The following ELMO2 variants were observed in gnomAD, a reference collection of about 807,000 sequenced individuals.
The protein encoded by ELMO2 is engulfment and cell motility 2.
ELMO2 carries 37 observed loss-of-function variants against 96.2 expected under a neutral mutation model. That is an observed-to-expected ratio of 0.38 (90% CI 0.30 to 0.51). The LOEUF (loss-of-function observed/expected upper bound fraction) is 0.51, where lower values mean the gene tolerates loss of function less well. ELMO2 is among the 20% of genes least tolerant of loss of function. The pLI is 0.88. For missense variants in ELMO2, 561 were observed against 912.6 expected (o/e 0.61, Z 4.96); for synonymous variants, 315 against 329.4 (o/e 0.96, Z 0.47).
intron 1 of ELMO2, among the ~76,000 whole-genome samples, chr20:46,402,455 C>T (rs1355565408): frequency 6.6e-6 from 1 of 152,206 alleles, no homozygotes; most frequent in Non-Finnish European, 1.5e-5. Flanking sequence ...TCAGTGTTTA[C>T]AAACCACTTA....
At chr20:46,382,546 A>C (rs2059975041) in intron 10 of ELMO2, among the ~76,000 whole-genome samples, 1 of 152,236 alleles carries the variant, frequency 6.6e-6, no homozygotes, top group Non-Finnish European at 1.5e-5. Context: ...AAGGGCTGTC[A>C]GAGATCATTT....
chr20:46,405,082 T>A (rs1173045067), intron 1 of ELMO2, among the ~76,000 whole-genome samples: 1 of 152,186 alleles, frequency 6.6e-6, no homozygotes, highest in Non-Finnish European at 1.5e-5. Context: ...TGGCCCTGTG[T>A]GAGATGCTAG....
chr20:46,394,562 A>C, intron 2 of ELMO2, 30 bp from the exon 3 acceptor site: 1 of 1,496,264 alleles, frequency 6.7e-7, no homozygotes, highest in Non-Finnish European at 9.3e-7. Context: ...AAGGTGGAAA[A>C]AGAGTATTTC....
At chr20:46,380,088 G>C (rs2059928662) in intron 11 of ELMO2, 165 bp downstream of exon 11, 2 of 596,444 alleles carry the variant, frequency 3.4e-6, no homozygotes, top group Non-Finnish European at 5.8e-6. Context: ...TCTGCTCACA[G>C]AGGATCGCGG....
At chr20:46,404,209 G>A (rs146263126) in intron 1 of ELMO2, among the ~76,000 whole-genome samples, 288 of 152,346 alleles carry the variant, frequency 1.9e-3, no homozygotes, top group African/African-American at 6.7e-3. Flanking sequence ...AGGCTGGGCC[G>A]AGGTATGGTG....
Position 46,394,498 on chromosome 20 carries a change from C to T in ELMO2, c.-16G>A. The T allele has an allele frequency of 1.2e-6, 2 of 1,614,142 alleles. No homozygotes were observed. Among genetic ancestry groups the T allele is most frequent in the Non-Finnish European group, 1.7e-6 (2 of 1,179,978 alleles). ...GTGGTGGCATCGTTCCCAATGGGCT[C>T]TAATTCTGCGAGACAAAAACACAGA... On this transcript the variant is annotated 5_prime_UTR_variant, in exon 3 of 22. Coordinates refer to ENST00000290246, the MANE Select transcript of ELMO2 (RefSeq NM_133171.5).
intron 1 of ELMO2, among the ~76,000 whole-genome samples, chr20:46,404,755 T>C (rs1280051907): frequency 6.6e-6 from 1 of 152,162 alleles, no homozygotes; most frequent in African/African-American, 2.4e-5. Context: ...AAATATCCCA[T>C]TAATAATGTT....
At chr20:46,376,334 T>A (rs2059859180) in intron 11 of ELMO2, among the ~76,000 whole-genome samples, 1 of 151,646 alleles carries the variant, frequency 6.6e-6, no homozygotes, top group Non-Finnish European at 1.5e-5. Flanking sequence ...CCCACGGCCC[T>A]CTCCTTCCTT....
intron 5 of ELMO2, 139 bp from the exon 6 acceptor site, chr20:46,393,282 C>T: frequency 1.0e-6 from 1 of 965,758 alleles, no homozygotes. Context: ...TCTTCTCCTG[C>T]TTATTCCTTG....
chr20:46,389,232 G>A lies in ELMO2; in HGVS notation c.244-12C>T. On this transcript the variant is annotated splice_polypyrimidine_tract_variant and intron_variant, in intron 6 of 21. Coordinates refer to ENST00000290246, the MANE Select transcript of ELMO2 (RefSeq NM_133171.5). ...CGTGCAGCCCGGGACTAGGAGGCCA[G>A]GGACAAGATATGTGCCATCTGCTCC... The A allele has an allele frequency of 6.2e-7, 1 of 1,612,142 alleles. No homozygotes were observed. The highest frequency in any genetic ancestry group is 8.5e-7 in the Non-Finnish European group (1 of 1,178,934).
intron 11 of ELMO2, among the ~76,000 whole-genome samples, chr20:46,377,744 A>C (rs1462316444): frequency 6.6e-6 from 1 of 152,134 alleles, no homozygotes; most frequent in African/African-American, 2.4e-5. Flanking sequence ...TGTCACAGGC[A>C]CGCCCTCTGT....
intron 9 of ELMO2, among the ~76,000 whole-genome samples, chr20:46,384,300 G>T (rs895567417): frequency 6.6e-6 from 1 of 152,048 alleles, no homozygotes; most frequent in Non-Finnish European, 1.5e-5. Flanking sequence ...TACAATCCTG[G>T]TACTTGACAT....
In ELMO2 at chr20:46,389,124, C is replaced by T. The variant is rs1430245718; in HGVS notation, c.340G>A (p.Val114Met). The change falls in exon 7 of 22, where the codon GTG (valine) becomes ATG (methionine). Residue 114 changes from valine to methionine, a missense_variant. Physicochemically the swap from Val to Met is conservative, Grantham distance 21. Coordinates refer to ENST00000290246, the MANE Select transcript of ELMO2 (RefSeq NM_133171.5). Reference sequence around the variant, plus strand: ...TTGATGAACTCAGTAGCGAAAGTCACGTCGGCAGAGAGCTTGGCCAGCTCC... The same window carrying T: ...TTGATGAACTCAGTAGCGAAAGTCATGTCGGCAGAGAGCTTGGCCAGCTCC... ...MKELAKLSAD[V>M]TFATEFINMD... 5 of 1,614,084 alleles carry T rather than the reference C, an allele frequency of 3.1e-6. No homozygotes were observed. In the South Asian group the frequency reaches 3.3e-5, roughly 11 times the overall value.
chr20:46,381,814 C>T (rs1215767917), intron 10 of ELMO2, among the ~76,000 whole-genome samples: 3 of 152,208 alleles, frequency 2.0e-5, no homozygotes, highest in Non-Finnish European at 4.4e-5. Context: ...CGGATTCCCA[C>T]GGTCTAGTAA....
In ELMO2 at chr20:46,375,228, G is replaced by A; in HGVS notation, c.1065+8C>T. The A allele has an allele frequency of 6.2e-7, 1 of 1,613,208 alleles. No individual in the cohort carries two copies. Among genetic ancestry groups the A allele is most frequent in the Non-Finnish European group, 8.5e-7 (1 of 1,179,896 alleles). ...GGCCTACCACCGTCTATGCTCTGAG[G>A]TACTTACGGTAAATCCCAGCATTTT... On this transcript the variant is annotated splice_region_variant and intron_variant, in intron 13 of 21. Coordinates refer to ENST00000290246, the MANE Select transcript of ELMO2 (RefSeq NM_133171.5). The surrounding 1 kb of genome is among the most constrained non-coding windows in gnomAD (Gnocchi z 4.6).
At chr20:46,380,061 G>C (rs1488370607) in intron 11 of ELMO2, 192 bp downstream of exon 11, 5 of 496,530 alleles carry the variant, frequency 1.0e-5, no homozygotes, top group Non-Finnish European at 1.8e-5. Context: ...CTGGTGAGAT[G>C]GCTGCCTAGA....
chr20:46,375,147 G>A lies in ELMO2; in HGVS notation c.1065+89C>T. ...GTCATCTATTCCAGGGCCACCATGGGGTTGGTTGTCAGAGCTCTGTCTGGG... is the reference window on the plus strand; with the variant it reads ...GTCATCTATTCCAGGGCCACCATGGAGTTGGTTGTCAGAGCTCTGTCTGGG... On this transcript the variant is annotated intron_variant, in intron 13 of 21. Coordinates refer to ENST00000290246, the MANE Select transcript of ELMO2 (RefSeq NM_133171.5). This position sits in a 1 kb window ranked among gnomAD's most constrained non-coding sequence, Gnocchi z 4.6. 6.6e-7 allele frequency: 1 copy of A among 1,509,830 alleles called. No homozygotes were observed. Among genetic ancestry groups the A allele is most frequent in the Non-Finnish European group, 8.9e-7 (1 of 1,123,664 alleles). The allele number at this position is 1,509,830 out of a possible 1,614,324, so 93.5% of individuals were successfully genotyped here. A position where few individuals can be genotyped will look rare whatever the true frequency, so the allele number is the denominator to read the frequency against.
intron 11 of ELMO2, among the ~76,000 whole-genome samples, chr20:46,379,484 G>A (rs2059918779): frequency 6.6e-6 from 1 of 152,112 alleles, no homozygotes; most frequent in African/African-American, 2.4e-5. Context: ...TCTTTCATGT[G>A]CTCTTTCTAA....
intron 9 of ELMO2, among the ~76,000 whole-genome samples, chr20:46,385,302 G>A (rs561686978): frequency 2.6e-5 from 4 of 152,342 alleles, no homozygotes; most frequent in African/African-American, 7.2e-5. Flanking sequence ...GCGGAGACGG[G>A]AGAAACATTG....
Sources: gnomAD v4.1 joint callset for allele counts (sites outside exome capture counted in the v4.1 genomes callset) on GRCh38, gnomAD v4.1.1 for gene constraint, Gnocchi (gnomAD v3.1) non-coding constraint, MANE v1.5 for transcripts, NCBI Gene and HGNC (gene_info 2026-07-23, HGNC 2026-07-21) for gene names.